Variants in PAG1 observed in about 807,000 individuals in gnomAD.
PAG1 encodes the protein phosphoprotein membrane anchor with glycosphingolipid microdomains 1, also known as phosphoprotein associated with glycosphingolipid-enriched microdomains 1.
A neutral mutation model predicts 31.7 loss-of-function variants in PAG1; 23 were observed. That is an observed-to-expected ratio of 0.73 (90% confidence interval 0.52 to 1.03). The LOEUF is 1.03. Among genes scored for constraint, PAG1 ranks in the 50% least tolerant of loss-of-function variants. PAG1 has a pLI of 0.00. For missense variants in PAG1, 473 were observed against 540.7 expected, an observed-to-expected ratio of 0.87 and a Z score of 1.24; for synonymous variants, 214 against 210.3, an observed-to-expected ratio of 1.02 and a Z score of -0.15.
At chr8:81,011,601 G>C (rs1807986357) in intron 3 of PAG1, among the ~76,000 whole-genome samples, 1 of 152,102 alleles carries the variant, frequency 6.6e-6, no homozygotes, top group African/African-American at 2.4e-5. Context: ...AAATATTGAT[G>C]GAGTGAATAA....
rs557895921 is a variant in PAG1, at chr8:81,090,303, A to C, written c.-233-20133T>G. 3.3e-5 allele frequency among the ~76,000 whole-genome samples: 5 copies of C among 152,346 alleles called. No homozygotes were observed. The South Asian group carries it at 1.0e-3, about 32-fold the overall frequency. ...ATCTATGGAGCTCTTATTCTGTGCC[A>C]GACTCTGTTCTGATGCTTTCTATAT... On this transcript the variant is annotated intron_variant, in intron 1 of 8. Coordinates refer to ENST00000220597, the MANE Select transcript of PAG1 (RefSeq NM_018440.4).
At chr8:81,055,985 C>T (rs1332847150) in intron 2 of PAG1, among the ~76,000 whole-genome samples, 1 of 152,150 alleles carries the variant, frequency 6.6e-6, no homozygotes, top group Non-Finnish European at 1.5e-5. Flanking sequence ...CCAGAACTTC[C>T]AACACTATGT....
At chr8:81,001,022 C>A (rs999845855) in intron 3 of PAG1, among the ~76,000 whole-genome samples, 2 of 152,206 alleles carry the variant, frequency 1.3e-5, no homozygotes, top group African/African-American at 4.8e-5. Flanking sequence ...GAAAAAGGAG[C>A]CTTAAACATT....
intron 4 of PAG1, 27 bp downstream of exon 4, chr8:80,993,076 C>A: frequency 1.3e-6 from 2 of 1,583,026 alleles, no homozygotes; most frequent in South Asian, 2.3e-5. Flanking sequence ...TAGTTTAAGG[C>A]ACAGGTATAT....
At chr8:81,091,402 G>T (rs1809444272) in intron 1 of PAG1, among the ~76,000 whole-genome samples, 1 of 152,054 alleles carries the variant, frequency 6.6e-6, no homozygotes, top group African/African-American at 2.4e-5. Context: ...TAATGACGGG[G>T]ATACATCCTG....
rs147535471 is a variant in PAG1 at position 81,101,351 on chromosome 8, G to A, written c.-234+10240C>T. 3.0e-4 allele frequency among the ~76,000 whole-genome samples: 45 copies of A among 152,244 alleles called. 1 individual carries two copies. In the East Asian group the frequency reaches 7.1e-3, roughly 24 times the overall value. On this transcript the variant is annotated intron_variant, in intron 1 of 8. Transcript: ENST00000220597. The stretch of plus-strand genomic sequence containing the variant: ...ATAATAAAGCAAAAGAAAAATATTC[G>A]TAACACTAAATATGTACAAATATTT...
chr8:81,024,940 A>C (rs1808249541), intron 3 of PAG1, among the ~76,000 whole-genome samples: 1 of 152,168 alleles, frequency 6.6e-6, no homozygotes, highest in Admixed American at 6.5e-5. Flanking sequence ...TCTTATTCTT[A>C]AAACTCTTCT....
chr8:81,109,209 T>C (rs1463963801), intron 1 of PAG1, among the ~76,000 whole-genome samples: 4 of 152,262 alleles, frequency 2.6e-5, no homozygotes, highest in Non-Finnish European at 4.4e-5. Context: ...TATTTAACAA[T>C]AATTATGATC....
intron 3 of PAG1, among the ~76,000 whole-genome samples, chr8:81,022,342 G>C (rs942604336): frequency 5.3e-5 from 8 of 152,134 alleles, no homozygotes; most frequent in Middle Eastern, 3.4e-3. Context: ...TTACTGAAAG[G>C]CTCCTTTAGA....
At chr8:81,034,417 A>G (rs1446080178) in intron 2 of PAG1, among the ~76,000 whole-genome samples, 10 of 152,246 alleles carry the variant, frequency 6.6e-5, no homozygotes, top group Non-Finnish European at 1.0e-4. Flanking sequence ...CCGGCTGCTC[A>G]TGACTGGCAT....
intron 1 of PAG1, among the ~76,000 whole-genome samples, chr8:81,106,584 T>C (rs963036057): frequency 1.3e-5 from 2 of 152,152 alleles, no homozygotes. Flanking sequence ...TGGGGGCAAA[T>C]GAGAGATCAA....
At chr8:81,100,468 T>C (rs944668001) in intron 1 of PAG1, among the ~76,000 whole-genome samples, 2 of 152,242 alleles carry the variant, frequency 1.3e-5, no homozygotes, top group African/African-American at 4.8e-5. Context: ...ATTTTGTGCA[T>C]TGTGGAATGT....
At position 81,011,900 on chromosome 8, in the gene PAG1, C is replaced by A. The variant is rs930907963; in HGVS notation, c.-81+18096G>T. Among the ~76,000 whole-genome samples the A allele has an allele frequency of 2.6e-5, 4 of 152,160 alleles. No homozygotes were observed. In the East Asian group the frequency reaches 7.7e-4, roughly 29 times the overall value. ...TGCACATTTTGCAATCTTAGTTGTT[C>A]CTTTCAATTTCCAGCAGAAGGCAGC... On this transcript the variant is annotated intron_variant, in intron 3 of 8. Transcript: ENST00000220597.
At chr8:80,991,327 C>T in intron 5 of PAG1, 152 bp downstream of exon 5, 1 of 673,116 alleles carries the variant, frequency 1.5e-6, no homozygotes. Context: ...AGCAGCACTA[C>T]TGCATCCATT....
chr8:81,021,611 A>G (rs1259453385), intron 3 of PAG1, among the ~76,000 whole-genome samples: 1 of 151,278 alleles, frequency 6.6e-6, no homozygotes, highest in Non-Finnish European at 1.5e-5. Flanking sequence ...TTTTCTATGT[A>G]GCAAATTAAG....
At chr8:81,026,248 T>C (rs1808275650) in intron 3 of PAG1, among the ~76,000 whole-genome samples, 1 of 151,658 alleles carries the variant, frequency 6.6e-6, no homozygotes, top group Non-Finnish European at 1.5e-5. Context: ...CTCAGGAGGC[T>C]GAGGCACGAG....
chr8:81,091,840 G>GA, intron 1 of PAG1, among the ~76,000 whole-genome samples: 1 of 148,264 alleles, frequency 6.7e-6, no homozygotes, highest in Admixed American at 6.6e-5. Flanking sequence ...AGAAGAAGAA[G>GA]AAGAAAAAAA....
chr8:80,982,315 G>A (rs1275251313), intron 7 of PAG1, among the ~76,000 whole-genome samples: 2 of 152,030 alleles, frequency 1.3e-5, no homozygotes, highest in African/African-American at 4.8e-5. Context: ...GGGCACCAAT[G>A]AGACTCGCCT....
Position 80,987,359 on chromosome 8 carries a change from G to A in PAG1, c.274+11C>T. ...GCCTGTGTGGAAAGCTGGTGTTTTTGCAGAACTTACTGTCCCCATTGGTGA... is the reference window on the plus strand; with the variant it reads ...GCCTGTGTGGAAAGCTGGTGTTTTTACAGAACTTACTGTCCCCATTGGTGA... On this transcript the variant is annotated intron_variant, in intron 6 of 8. Transcript: ENST00000220597. The A allele has an allele frequency of 1.3e-6, 2 of 1,573,156 alleles. No individual in the cohort carries two copies. Among genetic ancestry groups the A allele is most frequent in the Non-Finnish European group, 1.7e-6 (2 of 1,142,974 alleles).
Sources: gnomAD v4.1 joint callset for allele counts (sites outside exome capture counted in the v4.1 genomes callset) on GRCh38, gnomAD v4.1.1 for gene constraint, MANE v1.5 for transcripts, NCBI Gene and HGNC (gene_info 2026-07-23, HGNC 2026-07-21) for gene names.